LTBP1: variants seen among roughly 807,000 people sequenced by gnomAD.
LTBP1 encodes the protein latent-transforming growth factor beta-binding protein 1.
A neutral mutation model predicts 207.6 loss-of-function variants in LTBP1; 129 were observed. The ratio of observed to expected loss-of-function variants is 0.62; its 90% confidence interval spans 0.54 to 0.72. The LOEUF is 0.72. LTBP1 is among the 30% of genes least tolerant of loss of function. The pLI, the probability that LTBP1 is intolerant of heterozygous loss-of-function variation, is 0.00. For synonymous variants in LTBP1, 963 were observed against 833.7 expected, an observed-to-expected ratio of 1.16 and a Z score of -2.67; for missense variants, 2,281 against 2,217.2, an observed-to-expected ratio of 1.03 and a Z score of -0.58.
At chr2:33,098,163 G>T (rs115059461) in intron 3 of LTBP1, among the ~76,000 whole-genome samples, 472 of 152,302 alleles carry the variant, frequency 3.1e-3, no homozygotes, top group African/African-American at 0.011. Flanking sequence ...GAGTGCAAAT[G>T]TAATCTCATT....
Position 33,057,301 on chromosome 2 carries a change from A to G in LTBP1, c.863+36095A>G, listed in dbSNP as rs548438732. On this transcript the variant is annotated intron_variant, in intron 3 of 33. Transcript: ENST00000404816. ...CAGAGTGCTCATTGGTGTATTTACA[A>G]TCCCTTACTAGACATAAAGGTTCTC... is the stretch of plus-strand genomic sequence containing the variant. Among the ~76,000 whole-genome samples the G allele has an allele frequency of 1.4e-4, 22 of 152,276 alleles. No homozygotes were observed. The South Asian group carries it at 3.9e-3, about 27-fold the overall frequency.
intron 5 of LTBP1, among the ~76,000 whole-genome samples, chr2:33,143,812 A>G (rs1426271861): frequency 7.0e-6 from 1 of 142,598 alleles, no homozygotes; most frequent in Admixed American, 7.1e-5. Flanking sequence ...CTTTCCTATT[A>G]TACCTCTAGT....
intron 9 of LTBP1, among the ~76,000 whole-genome samples, chr2:33,225,229 T>G (rs908534905): frequency 1.3e-5 from 2 of 152,228 alleles, no homozygotes; most frequent in Non-Finnish European, 2.9e-5. Context: ...TTAGCAAATC[T>G]ATCATCTTGA....
chr2:33,022,879 C>T (rs1463859159), intron 3 of LTBP1, among the ~76,000 whole-genome samples: 3 of 152,064 alleles, frequency 2.0e-5, no homozygotes, highest in Non-Finnish European at 4.4e-5. Flanking sequence ...TTTCACAGGT[C>T]ATGAAGTATT....
chr2:33,021,221 C>A lies in LTBP1; in HGVS notation c.863+15C>A. On this transcript the variant is annotated intron_variant, in intron 3 of 33. Transcript: ENST00000404816. ...ATACATTCTCAGTGAGTGTTTCGAA[C>A]TTTCATTTAGCTAAGGATCATCTTA... 6.4e-7 allele frequency: 1 copy of A among 1,568,094 alleles called. No homozygotes were observed. The highest frequency in any genetic ancestry group is 1.8e-5 in the Admixed American group (1 of 56,906).
Position 32,999,619 on chromosome 2 carries a change from C to T in LTBP1, c.566-21290C>T, listed in dbSNP as rs1413436393. On this transcript the variant is annotated intron_variant, in intron 2 of 33. Coordinates refer to ENST00000404816, the MANE Select transcript of LTBP1 (RefSeq NM_206943.4). ...AAAAAGATCCAGAGGCGGCTGGGCG[C>T]GGTGGCTCACGCCTGTAATCCCAGC... Among the ~76,000 whole-genome samples the T allele has an allele frequency of 2.2e-5, 3 of 134,050 alleles. 1 individual carries two copies. The highest frequency in any genetic ancestry group is 4.9e-5 in the Non-Finnish European group (3 of 60,986). 87.9% of individuals were successfully genotyped at this position (134,050 alleles called of 152,430 possible).
chr2:33,243,904 A>G (rs898522687), intron 10 of LTBP1, 120 bp downstream of exon 10: 2 of 1,151,780 alleles, frequency 1.7e-6, no homozygotes, highest in African/African-American at 3.1e-5. Context: ...AACCTCATTA[A>G]TTAAAATAAC....
rs1025326290 is a variant in LTBP1, at chr2:33,275,890, G to T, written c.2959G>T (p.Gly987Trp). 6.2e-7 allele frequency: 1 copy of T among 1,607,708 alleles called. No individual in the cohort carries two copies. Among genetic ancestry groups the T allele is most frequent in the Non-Finnish European group, 8.5e-7 (1 of 1,176,922 alleles). ...GAFRCEYCDS[G>W]YRMTQRGRCE... The stretch of plus-strand genomic sequence containing the variant: ...CTTCCGGTGTGAATACTGTGACAGC[G>T]GGTACCGCATGACTCAGAGAGGCCG... The change falls in exon 18 of 34, where the codon GGG becomes TGG. Residue 987 changes from glycine to tryptophan, a missense_variant. This residue lies in a region of LTBP1 where 1,671 missense variants were observed against 1,634.8 expected (regional missense o/e 1.02). Transcript: ENST00000404816.
At chr2:33,131,643 C>T (rs866512504) in intron 4 of LTBP1, among the ~76,000 whole-genome samples, 3 of 152,110 alleles carry the variant, frequency 2.0e-5, no homozygotes, top group Admixed American at 6.5e-5. Flanking sequence ...TGGGAGGACC[C>T]GCTTAGAATA....
intron 32 of LTBP1, among the ~76,000 whole-genome samples, chr2:33,390,000 G>C (rs529842806): frequency 6.6e-6 from 1 of 152,274 alleles, no homozygotes; most frequent in East Asian, 1.9e-4. Context: ...CTAGTTTGAG[G>C]GCCAAGGTTT....
intron 3 of LTBP1, among the ~76,000 whole-genome samples, chr2:33,102,739 C>T (rs1336518237): frequency 6.6e-6 from 1 of 152,198 alleles, no homozygotes; most frequent in Non-Finnish European, 1.5e-5. Flanking sequence ...TCTGTATATG[C>T]TGTTTGTATG....
chr2:33,002,736 GGTGT>G lies in LTBP1; in HGVS notation c.566-18171_566-18168del, dbSNP rs1686222641. On this transcript the variant is annotated intron_variant, in intron 2 of 33. Coordinates refer to ENST00000404816, the MANE Select transcript of LTBP1 (RefSeq NM_206943.4). ...CCTGTCGCCCAGGCTGGAGTGCAGT[GGTGT>G]GATCTTGGCTCACTGCAACCTCTGG... Among the ~76,000 whole-genome samples, 4 of 152,142 alleles carry G rather than the reference GGTGT, an allele frequency of 2.6e-5. No individual in the cohort carries two copies. The East Asian group carries it at 7.7e-4, about 29-fold the overall frequency.
chr2:33,337,182 A>G (rs2094563065), intron 24 of LTBP1, among the ~76,000 whole-genome samples: 1 of 152,186 alleles, frequency 6.6e-6, no homozygotes, highest in Non-Finnish European at 1.5e-5. Flanking sequence ...TCGGGAGTGC[A>G]TGGGTTCGAG....
At chr2:33,073,225 T>A (rs1354402604) in intron 3 of LTBP1, among the ~76,000 whole-genome samples, 2 of 152,134 alleles carry the variant, frequency 1.3e-5, no homozygotes, top group Admixed American at 6.5e-5. Context: ...GAAGTTTGAA[T>A]TACCAGCCTT....
intron 24 of LTBP1, among the ~76,000 whole-genome samples, chr2:33,331,674 G>A (rs577178891): frequency 1.1e-3 from 172 of 152,026 alleles, no homozygotes; most frequent in African/African-American, 3.9e-3. Context: ...TATATTATGC[G>A]GCTGGACCTA....
chr2:33,360,446 G>A, intron 26 of LTBP1, 151 bp from the exon 27 acceptor site: 1 of 524,470 alleles, frequency 1.9e-6, no homozygotes, highest in South Asian at 3.2e-5. Context: ...TTATCTCAAA[G>A]TGGAAGAATC....
chr2:33,278,264 C>T (rs143993627), intron 18 of LTBP1, among the ~76,000 whole-genome samples: 121 of 152,184 alleles, frequency 8.0e-4, no homozygotes, highest in African/African-American at 2.6e-3. Context: ...GGAGAATATT[C>T]GGTGATATTC....
chr2:33,341,477 C>T (rs569732305), intron 24 of LTBP1, among the ~76,000 whole-genome samples: 11 of 151,728 alleles, frequency 7.2e-5, no homozygotes, highest in East Asian at 1.9e-4. Flanking sequence ...TTTGGAAGGC[C>T]GAGGCGGGCA....
In LTBP1 at chr2:33,026,854, A is replaced by G. The variant is rs144990857; in HGVS notation, c.863+5648A>G. On this transcript the variant is annotated intron_variant, in intron 3 of 33. Coordinates refer to ENST00000404816, the MANE Select transcript of LTBP1 (RefSeq NM_206943.4). The stretch of plus-strand genomic sequence containing the variant: ...AAGTGTACAGTCTAGTGATGATCCC[A>G]AAGTGACATATTCATGTAAGTGCCA... Among the ~76,000 whole-genome samples the G allele has an allele frequency of 2.9e-3, 444 of 152,364 alleles. 1 individual carries two copies. The highest frequency in any genetic ancestry group is 0.01 in the African/African-American group (433 of 41,580).
Sources: gnomAD v4.1 joint callset for allele counts (sites outside exome capture counted in the v4.1 genomes callset) on GRCh38, gnomAD v4.1.1 for gene constraint, gnomAD v4.1.1 regional missense constraint, MANE v1.5 for transcripts, NCBI Gene and HGNC (gene_info 2026-07-23, HGNC 2026-07-21) for gene names.